ADAMTS19: variants seen among roughly 807,000 people sequenced by gnomAD.
The protein encoded by ADAMTS19 is ADAM metallopeptidase with thrombospondin type 1 motif 19.
A neutral mutation model predicts 153.3 loss-of-function variants in ADAMTS19; 93 were observed. The ratio of observed to expected loss-of-function variants is 0.61; its 90% confidence interval spans 0.51 to 0.72. The LOEUF (loss-of-function observed/expected upper bound fraction) is 0.72. Ranked by LOEUF, ADAMTS19 falls within the 30% of genes least tolerant of loss-of-function variation. The pLI is 0.00. For synonymous variants in ADAMTS19, 600 were observed against 556.6 expected (o/e 1.08, Z -1.10); for missense variants, 1,482 against 1,552.1 (o/e 0.95, Z 0.76).
intron 2 of ADAMTS19, among the ~76,000 whole-genome samples, chr5:129,469,254 T>G (rs1219922592): frequency 2.0e-5 from 3 of 152,186 alleles, no homozygotes; most frequent in Admixed American, 1.3e-4. Flanking sequence ...GACAACTAAC[T>G]TTTTAGTATT....
chr5:129,600,893 G>A (rs1017193222), intron 8 of ADAMTS19, among the ~76,000 whole-genome samples: 2 of 149,058 alleles, frequency 1.3e-5, no homozygotes, highest in African/African-American at 2.5e-5. Context: ...TTATTGAGAC[G>A]GGGTCTCCCT....
chr5:129,641,640 A>T (rs1017543599), intron 10 of ADAMTS19, among the ~76,000 whole-genome samples: 6 of 152,176 alleles, frequency 3.9e-5, no homozygotes, highest in African/African-American at 7.2e-5. Flanking sequence ...ATTTAACTTT[A>T]TGAAATAGAT....
At chr5:129,549,973 C>T (rs1753017612) in intron 6 of ADAMTS19, among the ~76,000 whole-genome samples, 1 of 133,776 alleles carries the variant, frequency 7.5e-6, no homozygotes, top group Admixed American at 7.6e-5. Flanking sequence ...TCTAGATATA[C>T]ATATACATGT....
chr5:129,600,919 G>A (rs1236365123), intron 8 of ADAMTS19, among the ~76,000 whole-genome samples: 1 of 151,990 alleles, frequency 6.6e-6, no homozygotes, highest in Non-Finnish European at 1.5e-5. Flanking sequence ...GCCCAGGCTG[G>A]AGTGCAGTGG....
At chr5:129,470,247 C>A (rs1750019306) in intron 2 of ADAMTS19, among the ~76,000 whole-genome samples, 1 of 152,152 alleles carries the variant, frequency 6.6e-6, no homozygotes, top group South Asian at 2.1e-4. Context: ...AAACAGAGCA[C>A]ATATTTATTG....
chr5:129,551,748 C>T, intron 6 of ADAMTS19, 116 bp from the exon 7 acceptor site: 1 of 602,220 alleles, frequency 1.7e-6, no homozygotes, highest in South Asian at 2.2e-5. Flanking sequence ...TTATTAGATT[C>T]TTGGAGATGA....
chr5:129,583,229 A>G (rs1749613125), intron 7 of ADAMTS19, among the ~76,000 whole-genome samples: 2 of 152,144 alleles, frequency 1.3e-5, no homozygotes, highest in African/African-American at 2.4e-5. Context: ...AGAATATTGA[A>G]TATTGGCCCC....
intron 8 of ADAMTS19, among the ~76,000 whole-genome samples, chr5:129,598,844 C>CA (rs1750508977): frequency 6.6e-6 from 1 of 152,128 alleles, no homozygotes; most frequent in African/African-American, 2.4e-5. Flanking sequence ...CATGCATATC[C>CA]AAGTCCAGCA....
chr5:129,660,560 T>G (rs919409729), intron 15 of ADAMTS19, among the ~76,000 whole-genome samples: 1 of 152,092 alleles, frequency 6.6e-6, no homozygotes, highest in African/African-American at 2.4e-5. Context: ...ATATTTCCAC[T>G]AAGCATAGAA....
chr5:129,491,383 T>G (rs538252917), intron 2 of ADAMTS19, among the ~76,000 whole-genome samples: 1 of 152,190 alleles, frequency 6.6e-6, no homozygotes, highest in African/African-American at 2.4e-5. Flanking sequence ...ATTAATTGTC[T>G]AATTTTACAT....
At chr5:129,503,299 G>A (rs1015835841) in intron 2 of ADAMTS19, among the ~76,000 whole-genome samples, 2 of 152,038 alleles carry the variant, frequency 1.3e-5, no homozygotes, top group Non-Finnish European at 2.9e-5. Context: ...AAGACAATAG[G>A]ATAGATATGG....
rs1311322767 is a variant in ADAMTS19 at position 129,460,313 on chromosome 5, C to T, written c.-79C>T. The T allele has an allele frequency of 3.8e-6, 5 of 1,302,078 alleles. No individual in the cohort carries two copies. Among genetic ancestry groups the T allele is most frequent in the South Asian group, 2.4e-5 (2 of 82,592 alleles). 80.7% of individuals were successfully genotyped at this position (1,302,078 alleles called of 1,614,324 possible). A position where few individuals can be genotyped will look rare whatever the true frequency, so the allele number is the denominator to read the frequency against. On this transcript the variant is annotated 5_prime_UTR_variant, in exon 1 of 23. Coordinates refer to ENST00000274487, the MANE Select transcript of ADAMTS19 (RefSeq NM_133638.6). ...TTCGCCGCCCGGCCTCCTAGCGCTCCGGGGAGGCCGCTGCGCCCCGGAGTG... is the reference window on the plus strand; with the variant it reads ...TTCGCCGCCCGGCCTCCTAGCGCTCTGGGGAGGCCGCTGCGCCCCGGAGTG...
intron 2 of ADAMTS19, among the ~76,000 whole-genome samples, chr5:129,468,802 A>T (rs1198223628): frequency 6.6e-6 from 1 of 151,330 alleles, no homozygotes; most frequent in Non-Finnish European, 1.5e-5. Context: ...TTAATGATGG[A>T]TTCTTGTTCT....
At chr5:129,648,658 C>G (rs1753175943) in intron 12 of ADAMTS19, 140 bp from the exon 13 acceptor site, 4 of 523,536 alleles carry the variant, frequency 7.6e-6, no homozygotes, top group Non-Finnish European at 1.3e-5. Flanking sequence ...TTTGCTACTA[C>G]TATCATTTAA....
At chr5:129,501,570 C>G (rs1751109683) in intron 2 of ADAMTS19, among the ~76,000 whole-genome samples, 1 of 151,998 alleles carries the variant, frequency 6.6e-6, no homozygotes, top group Non-Finnish European at 1.5e-5. Context: ...TATGGCAGGC[C>G]TACCCTTTTG....
chr5:129,608,359 A>G (rs73785218), intron 8 of ADAMTS19, among the ~76,000 whole-genome samples: 7,525 of 151,488 alleles, frequency 0.05, 595 homozygotes, highest in African/African-American at 0.17. Flanking sequence ...GAATGGGGAG[A>G]TACTGGTCAA....
chr5:129,655,760 G>A (rs1197179735), intron 14 of ADAMTS19, among the ~76,000 whole-genome samples: 1 of 152,148 alleles, frequency 6.6e-6, no homozygotes. Context: ...GGAACAACAC[G>A]AAACTTAAAT....
At position 129,559,518 on chromosome 5, in the gene ADAMTS19, G is replaced by C. The variant is rs79532782; in HGVS notation, c.1372+7611G>C. On this transcript the variant is annotated intron_variant, in intron 7 of 22. Transcript: ENST00000274487. Reference sequence around the variant, plus strand: ...ATCTTACATTATAAAGTGATGGCAAGTATGTGAATCTATGGAAACAATGTG... The same window carrying C: ...ATCTTACATTATAAAGTGATGGCAACTATGTGAATCTATGGAAACAATGTG... Among the ~76,000 whole-genome samples, 659 of 152,236 alleles carry C rather than the reference G, an allele frequency of 4.3e-3. 4 individuals are homozygous for C. The highest frequency in any genetic ancestry group is 0.026 in the East Asian group (134 of 5,180).
chr5:129,561,237 T>C (rs1753502439), intron 7 of ADAMTS19, among the ~76,000 whole-genome samples: 1 of 152,206 alleles, frequency 6.6e-6, no homozygotes, highest in African/African-American at 2.4e-5. Flanking sequence ...TCATATCTAC[T>C]TCTGCATGTA....
Sources: allele counts gnomAD v4.1 joint callset (sites outside exome capture counted in the v4.1 genomes callset), GRCh38; gene constraint gnomAD v4.1.1; transcripts MANE v1.5; gene names NCBI Gene and HGNC (gene_info 2026-07-23, HGNC 2026-07-21).